Variants in MAGI1 observed in about 807,000 individuals in gnomAD.
The protein encoded by MAGI1 is membrane associated guanylate kinase, WW and PDZ domain containing 1.
MAGI1 carries 58 observed loss-of-function variants against 139.9 expected under a neutral mutation model. The observed-to-expected ratio is 0.41, with a 90% CI of 0.34 to 0.52. The LOEUF (loss-of-function observed/expected upper bound fraction) is 0.52. Among genes scored for constraint, MAGI1 ranks in the 20% least tolerant of loss-of-function variants. The pLI, the probability that MAGI1 is intolerant of heterozygous loss-of-function variation, is 0.12. For synonymous variants in MAGI1, 812 were observed against 737.9 expected, an observed-to-expected ratio of 1.10 and a Z score of -1.63; for missense variants, 1,874 against 1,901.6, an observed-to-expected ratio of 0.99 and a Z score of 0.27.
At chr3:65,480,580 G>A (rs1311715273) in intron 3 of MAGI1, among the ~76,000 whole-genome samples, 1 of 128,672 alleles carries the variant, frequency 7.8e-6, no homozygotes, top group African/African-American at 2.8e-5. Context: ...TTATAAATAA[G>A]GTTTCTTTTT....
chr3:65,539,865 C>G (rs1371336962), intron 2 of MAGI1, among the ~76,000 whole-genome samples: 1 of 152,184 alleles, frequency 6.6e-6, no homozygotes, highest in Non-Finnish European at 1.5e-5. Flanking sequence ...CCTCAGGAAC[C>G]TGGGAGAGCA....
intron 1 of MAGI1, among the ~76,000 whole-genome samples, chr3:65,853,414 C>T (rs549330238): frequency 4.3e-4 from 66 of 152,326 alleles, no homozygotes; most frequent in Non-Finnish European, 7.5e-4. Flanking sequence ...GATCTTAATT[C>T]ATTCACCTAT....
intron 1 of MAGI1, among the ~76,000 whole-genome samples, chr3:65,912,236 CAAAAA>C (rs35498262): frequency 1.5e-5 from 2 of 130,988 alleles, no homozygotes; most frequent in South Asian, 2.5e-4. Flanking sequence ...ACTCTGATCT[CAAAAA>C]AAAAAAAAAA....
chr3:65,569,451 C>T (rs1239910105), intron 2 of MAGI1, among the ~76,000 whole-genome samples: 1 of 152,022 alleles, frequency 6.6e-6, no homozygotes, highest in Admixed American at 6.6e-5. Flanking sequence ...GTATATTTTA[C>T]CACTATAAAA....
intron 5 of MAGI1, among the ~76,000 whole-genome samples, chr3:65,460,471 T>G (rs1193614097): frequency 6.6e-6 from 1 of 152,072 alleles, no homozygotes; most frequent in African/African-American, 2.4e-5. Flanking sequence ...AATTCATCCC[T>G]CATTATCTTT....
At chr3:65,922,962 G>A (rs2062291445) in intron 1 of MAGI1, among the ~76,000 whole-genome samples, 1 of 152,128 alleles carries the variant, frequency 6.6e-6, no homozygotes, top group African/African-American at 2.4e-5. Flanking sequence ...CTTGATAACA[G>A]GAACATCTGG....
At chr3:65,561,282 T>C (rs2080333528) in intron 2 of MAGI1, among the ~76,000 whole-genome samples, 1 of 152,190 alleles carries the variant, frequency 6.6e-6, no homozygotes, top group South Asian at 2.1e-4. Flanking sequence ...TTGAGAGCTT[T>C]TGTTTCCCCC....
At chr3:65,464,673 G>A (rs560704076) in intron 5 of MAGI1, among the ~76,000 whole-genome samples, 18 of 152,012 alleles carry the variant, frequency 1.2e-4, no homozygotes, top group South Asian at 4.1e-4. Context: ...GAAATCATGC[G>A]TCATAGATAG....
At chr3:65,526,549 C>G (rs966722864) in intron 2 of MAGI1, among the ~76,000 whole-genome samples, 3 of 152,208 alleles carry the variant, frequency 2.0e-5, no homozygotes, top group Non-Finnish European at 4.4e-5. Context: ...GGTAATGAAA[C>G]TATCCTCTTT....
intron 1 of MAGI1, among the ~76,000 whole-genome samples, chr3:65,953,428 A>G (rs1274919330): frequency 6.6e-6 from 1 of 152,202 alleles, no homozygotes; most frequent in Non-Finnish European, 1.5e-5. Context: ...CCAGGTTTCA[A>G]CTTCACCTCC....
chr3:65,745,529 A>G (rs1376608969), intron 1 of MAGI1, among the ~76,000 whole-genome samples: 3 of 152,252 alleles, frequency 2.0e-5, no homozygotes, highest in African/African-American at 7.2e-5. Context: ...AATGAACATA[A>G]GAAGACAGCA....
At chr3:65,673,348 C>G (rs2086982592) in intron 1 of MAGI1, among the ~76,000 whole-genome samples, 1 of 152,174 alleles carries the variant, frequency 6.6e-6, no homozygotes, top group Non-Finnish European at 1.5e-5. Context: ...TTATATGAAT[C>G]TTGTGCTGTA....
chr3:65,877,270 T>C (rs1177137514), intron 1 of MAGI1, among the ~76,000 whole-genome samples: 1 of 152,136 alleles, frequency 6.6e-6, no homozygotes, highest in Admixed American at 6.5e-5. Flanking sequence ...TATGAGTCAA[T>C]GTATGGGAGA....
chr3:65,364,443 AT>A (rs1009759316), intron 20 of MAGI1, among the ~76,000 whole-genome samples: 9 of 151,992 alleles, frequency 5.9e-5, no homozygotes, highest in South Asian at 2.1e-4. Flanking sequence ...ACTGCTTTTC[AT>A]TTTTTTTCCC....
At chr3:65,697,043 T>C (rs959429096) in intron 1 of MAGI1, among the ~76,000 whole-genome samples, 134 of 152,140 alleles carry the variant, frequency 8.8e-4, no homozygotes, top group Non-Finnish European at 1.6e-3. Context: ...AAAGGGGATA[T>C]CACCACCAAT....
At chr3:66,006,029 A>ATT in intron 1 of MAGI1, among the ~76,000 whole-genome samples, 1 of 152,160 alleles carries the variant, frequency 6.6e-6, no homozygotes, top group East Asian at 1.9e-4. Flanking sequence ...AAAAAATTAT[A>ATT]TTTAGAGAGA....
At chr3:65,979,090 C>CCCCCT (rs1553742251) in intron 1 of MAGI1, among the ~76,000 whole-genome samples, 10 of 48,136 alleles carry the variant, frequency 2.1e-4, no homozygotes. Context: ...TCTTTTCTTC[C>CCCCCT]CCCCCCCCGC....
chr3:65,624,883 CT>C (rs972140884), intron 1 of MAGI1, among the ~76,000 whole-genome samples: 1 of 152,024 alleles, frequency 6.6e-6, no homozygotes, highest in Non-Finnish European at 1.5e-5. Flanking sequence ...ATAATATTTT[CT>C]TTTTTTAAGA....
chr3:65,596,381 T>C (rs989246437), intron 2 of MAGI1, among the ~76,000 whole-genome samples: 1 of 151,896 alleles, frequency 6.6e-6, no homozygotes, highest in Non-Finnish European at 1.5e-5. Flanking sequence ...TCAAGAGGAG[T>C]AGTAAAACAA....
Sources: gnomAD v4.1 joint callset for allele counts (sites outside exome capture counted in the v4.1 genomes callset) on GRCh38, gnomAD v4.1.1 for gene constraint, MANE v1.5 for transcripts, NCBI Gene and HGNC (gene_info 2026-07-23, HGNC 2026-07-21) for gene names.